The following USP32 variants were observed in gnomAD, a reference collection of about 807,000 sequenced individuals.
USP32 encodes ubiquitin carboxyl-terminal hydrolase 32.
USP32 carries 59 observed loss-of-function variants against 204.8 expected under a neutral mutation model. The observed-to-expected ratio is 0.29, with a 90% CI of 0.23 to 0.36. The LOEUF (loss-of-function observed/expected upper bound fraction) is 0.36. Among genes scored for constraint, USP32 ranks in the 10% least tolerant of loss-of-function variants. The pLI is 1.00. For missense variants in USP32, 1,160 were observed against 1,946.4 expected, an observed-to-expected ratio of 0.60 and a Z score of 7.60; for synonymous variants, 517 against 678.4, an observed-to-expected ratio of 0.76 and a Z score of 3.70.
Position 60,266,107 on chromosome 17 carries a change from T to C in USP32, c.812-16A>G, listed in dbSNP as rs1268042048. On this transcript the variant is annotated splice_polypyrimidine_tract_variant and intron_variant, in intron 7 of 33. Coordinates refer to ENST00000300896, the MANE Select transcript of USP32 (RefSeq NM_032582.4). ...TTGAAGCAAACTAATGAAAAGAAAC[T>C]CTTATGGAGGAAAATCATTTTTGTA... is the stretch of plus-strand genomic sequence containing the variant. 1 of 1,584,844 alleles carries C rather than the reference T, an allele frequency of 6.3e-7. No homozygotes were observed. The highest frequency in any genetic ancestry group is 8.7e-7 in the Non-Finnish European group (1 of 1,155,892).
chr17:60,394,276 T>C (rs954662708), upstream of USP32, among the ~76,000 whole-genome samples: 4 of 152,206 alleles, frequency 2.6e-5, no homozygotes, highest in African/African-American at 9.7e-5. Flanking sequence ...GTGAATTTTA[T>C]GAAAGGGCCC....
At chr17:60,191,292 C>T (rs1020769271) in intron 28 of USP32, among the ~76,000 whole-genome samples, 5 of 148,288 alleles carry the variant, frequency 3.4e-5, no homozygotes, top group African/African-American at 1.2e-4. Context: ...ATCCCAGCTA[C>T]TTGGGAGGCT....
intron 2 of USP32, among the ~76,000 whole-genome samples, chr17:60,310,730 A>G (rs570162394): frequency 2.0e-5 from 3 of 151,936 alleles, no homozygotes; most frequent in Non-Finnish European, 4.4e-5. Context: ...TTGCAGCAAC[A>G]TGTTAAGTGA....
At chr17:60,237,556 TA>T (rs1260869437) in intron 11 of USP32, among the ~76,000 whole-genome samples, 1 of 152,178 alleles carries the variant, frequency 6.6e-6, no homozygotes, top group African/African-American at 2.4e-5. Context: ...ACACCTCAAT[TA>T]AAAAGTCATC....
intron 1 of USP32, among the ~76,000 whole-genome samples, chr17:60,413,842 C>A (rs549253109): frequency 8.3e-6 from 1 of 120,932 alleles, no homozygotes; most frequent in African/African-American, 3.3e-5. Flanking sequence ...TCCAGCCTGG[C>A]GACAGCTAGA....
At chr17:60,359,868 GA>G (rs1375575138) in intron 1 of USP32, among the ~76,000 whole-genome samples, 5 of 150,784 alleles carry the variant, frequency 3.3e-5, no homozygotes, top group Non-Finnish European at 7.4e-5. Flanking sequence ...GTAAGACAAA[GA>G]TTTTTTTTTT....
At chr17:60,326,263 C>T (rs550037680) in intron 2 of USP32, among the ~76,000 whole-genome samples, 1 of 151,764 alleles carries the variant, frequency 6.6e-6, no homozygotes, top group Non-Finnish European at 1.5e-5. Flanking sequence ...ACCCTCTGCC[C>T]TAGTAACCTG....
Position 60,344,132 on chromosome 17 carries a change from T to C in USP32, c.186+1349A>G, listed in dbSNP as rs1413993088. Among the ~76,000 whole-genome samples, 3 of 150,086 alleles carry C rather than the reference T, an allele frequency of 2.0e-5. 1 individual carries two copies. Among genetic ancestry groups the C allele is most frequent in the Admixed American group, 6.6e-5 (1 of 15,120 alleles). ...TATACCAAGCCTAAAATTCCTATTT[T>C]TTTTTTTTTTTTTTGAGTCAGAGTC... On this transcript the variant is annotated intron_variant, in intron 2 of 33. Coordinates refer to ENST00000300896, the MANE Select transcript of USP32 (RefSeq NM_032582.4).
intron 3 of USP32, among the ~76,000 whole-genome samples, chr17:60,296,956 C>T (rs1043556025): frequency 6.6e-6 from 1 of 152,176 alleles, no homozygotes; most frequent in Non-Finnish European, 1.5e-5. Context: ...TATATCCAAT[C>T]CCTTTTGCAG....
At chr17:60,365,716 T>G (rs2089298116) in intron 1 of USP32, among the ~76,000 whole-genome samples, 1 of 152,102 alleles carries the variant, frequency 6.6e-6, no homozygotes, top group Non-Finnish European at 1.5e-5. Flanking sequence ...ACAAAGTAAT[T>G]ATTAAAAGAA....
At chr17:60,228,337 CA>C (rs771289456) in intron 12 of USP32, among the ~76,000 whole-genome samples, 2 of 152,076 alleles carry the variant, frequency 1.3e-5, no homozygotes, top group Non-Finnish European at 2.9e-5. Context: ...ATCCTGTAGA[CA>C]AGACAGTAGA....
intron 1 of USP32, among the ~76,000 whole-genome samples, chr17:60,370,526 CGAGGCGGGAGGATCACTT>C (rs1267784239): frequency 6.6e-6 from 1 of 151,624 alleles, no homozygotes; most frequent in East Asian, 1.9e-4. Flanking sequence ...TTTGGGAGGC[CGAGGCGGGAGGATCACTT>C]GAGGTCAGAA....
At chr17:60,411,013 C>CA (rs35556712) in intron 1 of USP32, among the ~76,000 whole-genome samples, 1,382 of 129,240 alleles carry the variant, frequency 0.011, 4 homozygotes, top group Middle Eastern at 0.017. Context: ...TTCACCTCTA[C>CA]AAAAAAAAAA....
chr17:60,261,537 T>G (rs2086452815), intron 9 of USP32, among the ~76,000 whole-genome samples: 1 of 151,826 alleles, frequency 6.6e-6, no homozygotes, highest in Non-Finnish European at 1.5e-5. Flanking sequence ...TCCCAGCTAC[T>G]TGGAAGGCTG....
At chr17:60,220,686 C>G (rs892980691) in intron 15 of USP32, among the ~76,000 whole-genome samples, 2 of 152,036 alleles carry the variant, frequency 1.3e-5, no homozygotes, top group Admixed American at 6.6e-5. Context: ...CTCTGTCACC[C>G]AGGCTGGAGT....
chr17:60,371,795 C>T (rs1414493570), intron 1 of USP32, among the ~76,000 whole-genome samples: 4 of 152,064 alleles, frequency 2.6e-5, no homozygotes, highest in East Asian at 1.9e-4. Flanking sequence ...GAATAAACTG[C>T]CAACAACTCA....
intron 27 of USP32, among the ~76,000 whole-genome samples, chr17:60,194,065 C>T (rs2084452397): frequency 6.6e-6 from 1 of 151,572 alleles, no homozygotes; most frequent in Non-Finnish European, 1.5e-5. Flanking sequence ...TTTTTTGAGA[C>T]AGGGTATCAC....
Position 60,179,444 on chromosome 17 carries a change from A to G in USP32, c.4642-16T>C. 1 of 1,611,620 alleles carries G rather than the reference A, an allele frequency of 6.2e-7. No homozygotes were observed. The highest frequency in any genetic ancestry group is 8.5e-7 in the Non-Finnish European group (1 of 1,179,554). On this transcript the variant is annotated splice_polypyrimidine_tract_variant and intron_variant, in intron 33 of 33. Coordinates refer to ENST00000300896, the MANE Select transcript of USP32 (RefSeq NM_032582.4). ...GGTGAAGTTCCTGAAAGGGCAAGAA[A>G]AACCTTTAACAAAAAGCCATCACTA...
At chr17:60,256,370 G>C (rs2086305011) in intron 9 of USP32, among the ~76,000 whole-genome samples, 1 of 152,110 alleles carries the variant, frequency 6.6e-6, no homozygotes, top group Admixed American at 6.6e-5. Context: ...TTCTTATCAT[G>C]ATCACTTTTC....
Sources: allele counts gnomAD v4.1 joint callset (sites outside exome capture counted in the v4.1 genomes callset), GRCh38; gene constraint gnomAD v4.1.1; transcripts MANE v1.5; gene names NCBI Gene and HGNC (gene_info 2026-07-23, HGNC 2026-07-21).